Variants in TBC1D32 observed in about 807,000 individuals in gnomAD.
TBC1D32 encodes TBC1 domain family member 32.
In TBC1D32, 151 loss-of-function variants were observed where a neutral mutation model predicts 170.3. That is an observed-to-expected ratio of 0.89 (90% CI 0.78 to 1.01). The LOEUF (loss-of-function observed/expected upper bound fraction) is 1.01, where lower values mean the gene tolerates loss of function less well. TBC1D32 is among the 50% of genes least tolerant of loss of function. The pLI, the probability that TBC1D32 is intolerant of heterozygous loss-of-function variation, is 0.00. For synonymous variants in TBC1D32, 498 were observed against 488.0 expected (o/e 1.02, Z -0.27); for missense variants, 1,464 against 1,457.1 (o/e 1.00, Z -0.08).
At chr6:121,315,724 T>C (rs2128494034) in intron 3 of TBC1D32, among the ~76,000 whole-genome samples, 1 of 152,170 alleles carries the variant, frequency 6.6e-6, no homozygotes, top group Non-Finnish European at 1.5e-5. Context: ...TTGGAATGAA[T>C]AATATATTTT....
At chr6:121,122,366 C>T (rs1273722) in intron 26 of TBC1D32, among the ~76,000 whole-genome samples, 27,812 of 151,764 alleles carry the variant, frequency 0.18, 3,419 homozygotes, top group African/African-American at 0.33. Flanking sequence ...GGATGTCATG[C>T]CTATGTTCAA....
intron 30 of TBC1D32, among the ~76,000 whole-genome samples, chr6:121,092,669 T>A (rs1776952892): frequency 6.6e-6 from 1 of 152,154 alleles, no homozygotes; most frequent in African/African-American, 2.4e-5. Context: ...CTGAGGCTTA[T>A]AGATGGTTGT....
At chr6:121,316,228 A>G (rs116709704) in intron 3 of TBC1D32, among the ~76,000 whole-genome samples, 180 of 152,284 alleles carry the variant, frequency 1.2e-3, no homozygotes, top group African/African-American at 4.3e-3. Context: ...AATCAGTTCT[A>G]TTTAGATCTG....
intron 20 of TBC1D32, among the ~76,000 whole-genome samples, chr6:121,234,889 T>C (rs1796151107): frequency 6.6e-6 from 1 of 152,212 alleles, no homozygotes; most frequent in Admixed American, 6.5e-5. Flanking sequence ...GTTCAGATTC[T>C]GTTATCCCAA....
intron 20 of TBC1D32, among the ~76,000 whole-genome samples, chr6:121,226,112 T>C (rs1448209269): frequency 1.3e-5 from 2 of 152,150 alleles, no homozygotes; most frequent in African/African-American, 2.4e-5. Context: ...TTGATAATGA[T>C]CTTCTATTCA....
At chr6:121,219,738 C>CT (rs34103656) in intron 21 of TBC1D32, among the ~76,000 whole-genome samples, 2 of 152,138 alleles carry the variant, frequency 1.3e-5, no homozygotes, top group African/African-American at 4.8e-5. Flanking sequence ...AGATAATATG[C>CT]TTTTTTGAAT....
chr6:121,112,438 C>T, intron 29 of TBC1D32, 67 bp downstream of exon 29: 2 of 1,349,806 alleles, frequency 1.5e-6, no homozygotes, highest in Non-Finnish European at 2.0e-6. Context: ...AAATTATGCC[C>T]CAGTGAATGT....
chr6:121,161,841 T>A (rs890839556), intron 22 of TBC1D32, among the ~76,000 whole-genome samples: 5 of 152,164 alleles, frequency 3.3e-5, no homozygotes, highest in African/African-American at 1.2e-4. Context: ...CATGCCAGCA[T>A]CTGTTGTTTT....
intron 22 of TBC1D32, among the ~76,000 whole-genome samples, chr6:121,176,123 T>C (rs1466938583): frequency 6.6e-6 from 1 of 152,014 alleles, no homozygotes; most frequent in Non-Finnish European, 1.5e-5. Flanking sequence ...AACAAAGTAA[T>C]GGATACTACT....
chr6:121,170,033 T>C (rs777566208), intron 22 of TBC1D32, among the ~76,000 whole-genome samples: 1 of 152,056 alleles, frequency 6.6e-6, no homozygotes, highest in Non-Finnish European at 1.5e-5. Context: ...CATCTTACAA[T>C]AGCAGCTGAA....
At chr6:121,147,388 C>G (rs1037329657) in intron 24 of TBC1D32, among the ~76,000 whole-genome samples, 1 of 152,106 alleles carries the variant, frequency 6.6e-6, no homozygotes, top group African/African-American at 2.4e-5. Flanking sequence ...TTTGAGAAAT[C>G]TCCAGAATGC....
At chr6:121,231,677 C>A (rs117248317) in intron 20 of TBC1D32, among the ~76,000 whole-genome samples, 1 of 151,854 alleles carries the variant, frequency 6.6e-6, no homozygotes, top group Non-Finnish European at 1.5e-5. Context: ...AGTGATATTG[C>A]ACATTTTTCC....
chr6:121,194,280 T>C (rs926043012), intron 22 of TBC1D32, among the ~76,000 whole-genome samples: 1 of 152,182 alleles, frequency 6.6e-6, no homozygotes, highest in Non-Finnish European at 1.5e-5. Flanking sequence ...AATGCCCACA[T>C]TGACTCTCTG....
intron 30 of TBC1D32, among the ~76,000 whole-genome samples, chr6:121,095,683 G>A (rs1227447979): frequency 6.6e-6 from 1 of 152,156 alleles, no homozygotes; most frequent in Non-Finnish European, 1.5e-5. Context: ...TGCACCTATT[G>A]AGATAATCGT....
intron 17 of TBC1D32, among the ~76,000 whole-genome samples, chr6:121,247,222 T>C (rs1444469201): frequency 6.6e-6 from 1 of 151,982 alleles, no homozygotes; most frequent in African/African-American, 2.4e-5. Context: ...CCAGCAAAAC[T>C]AAGCTTCATA....
chr6:121,327,483 A>G (rs1329064614), intron 1 of TBC1D32, among the ~76,000 whole-genome samples: 1 of 152,186 alleles, frequency 6.6e-6, no homozygotes, highest in Non-Finnish European at 1.5e-5. Context: ...CTGGAGATAT[A>G]ATATATTCTA....
At chr6:121,251,688 A>C (rs556750558) in intron 17 of TBC1D32, among the ~76,000 whole-genome samples, 1 of 152,340 alleles carries the variant, frequency 6.6e-6, no homozygotes, top group Admixed American at 6.5e-5. Flanking sequence ...TTGCAGCAAA[A>C]GCCAAAATTG....
intron 17 of TBC1D32, among the ~76,000 whole-genome samples, chr6:121,247,718 A>AAAAAAAAAAAAG (rs1797798127): frequency 6.7e-6 from 1 of 148,772 alleles, no homozygotes; most frequent in Non-Finnish European, 1.5e-5. Context: ...AAAAAAAAAA[A>AAAAAAAAAAAAG]GACAAAGAAG....
chr6:121,243,081 A>T (rs1291457889), intron 17 of TBC1D32, among the ~76,000 whole-genome samples: 1 of 152,030 alleles, frequency 6.6e-6, no homozygotes, highest in Non-Finnish European at 1.5e-5. Context: ...CAAAACCAGC[A>T]GAGAAGGAAA....
Sources: allele counts gnomAD v4.1 joint callset (sites outside exome capture counted in the v4.1 genomes callset), GRCh38; gene constraint gnomAD v4.1.1; transcripts MANE v1.5; gene names NCBI Gene and HGNC (gene_info 2026-07-23, HGNC 2026-07-21).